SNCB: variants seen among roughly 807,000 people sequenced by gnomAD.
SNCB encodes the protein synuclein beta, also known as beta-synuclein.
In SNCB, 8 loss-of-function variants were observed where a neutral mutation model predicts 20.0. The ratio of observed to expected loss-of-function variants is 0.40; its 90% CI spans 0.24 to 0.72. The LOEUF (loss-of-function observed/expected upper bound fraction) is 0.72, where lower values mean the gene tolerates loss of function less well. SNCB is among the 30% of genes least tolerant of loss of function. The pLI is 0.37. For missense variants in SNCB, 125 were observed against 168.0 expected (o/e 0.74, Z 1.41); for synonymous variants, 56 against 65.4 (o/e 0.86, Z 0.69).
intron 2 of SNCB, among the ~76,000 whole-genome samples, chr5:176,627,256 G>T (rs1760020115): frequency 6.6e-6 from 1 of 152,208 alleles, no homozygotes; most frequent in Non-Finnish European, 1.5e-5. Flanking sequence ...TAGGGGTGGA[G>T]CTGGGAGGCC....
Position 176,626,493 on chromosome 5 carries a change from C to A in SNCB, c.187G>T (p.Ala63Ser). Residue 63 changes from alanine to serine, a missense_variant, in exon 4 of 6, where the codon GCC becomes TCC. Transcript: ENST00000393693. This position sits in a 1 kb window ranked among gnomAD's most constrained non-coding sequence, Gnocchi z 4.2. ...ASVAEKTKEQ[A>S]SHLGGAVFSG... ...AACACAGCTCCTCCCAGATGTGAGG[C>A]CTGTTCCTTGGTTTTTTCAGCCACT... 1 of 1,614,008 alleles carries A rather than the reference C, an allele frequency of 6.2e-7. No individual in the cohort carries two copies. Among genetic ancestry groups the A allele is most frequent in the Non-Finnish European group, 8.5e-7 (1 of 1,179,926 alleles).
Position 176,626,502 on chromosome 5 carries a change from TG to T in SNCB, c.177del (p.Lys60ArgfsTer25). 1 of 1,613,904 alleles carries T rather than the reference TG, an allele frequency of 6.2e-7. No individual in the cohort carries two copies. Among genetic ancestry groups the T allele is most frequent in the South Asian group, 1.1e-5 (1 of 91,080 alleles). ...VQGVASVAEK[T>X]KEQASHLGGA... ...CCTCCCAGATGTGAGGCCTGTTCCT[TG>T]GTTTTTTCAGCCACTGGAGCAGGGA... On this transcript the variant is annotated frameshift_variant, in exon 4 of 6. Transcript: ENST00000393693. LOFTEE classifies it high-confidence loss of function. The surrounding 1 kb of genome is among the most constrained non-coding windows in gnomAD (Gnocchi z 4.2).
Position 176,620,257 on chromosome 5 carries a change from ACCCGC to A in SNCB, c.*549_*553del. The A allele has an allele frequency of 7.7e-6, 1 of 130,034 alleles. No homozygotes were observed. Among genetic ancestry groups the A allele is most frequent in the Non-Finnish European group, 1.7e-5 (1 of 59,462 alleles). The allele number at this position is 130,034 out of a possible 1,614,324, so 8.1% of individuals were successfully genotyped here. A position where few individuals can be genotyped will look rare whatever the true frequency, so the allele number is the denominator to read the frequency against. On this transcript the variant is annotated 3_prime_UTR_variant, in exon 6 of 6. Coordinates refer to ENST00000393693, the MANE Select transcript of SNCB (RefSeq NM_003085.5). The surrounding 1 kb of genome is among the most constrained non-coding windows in gnomAD (Gnocchi z 4.5). Reference sequence around the variant, plus strand: ...TGGACTCTCGGGGGCGGCCGGGCCCACCCGCCCGGGACACGCTCACATGGGGGGGA... The same window carrying A: ...TGGACTCTCGGGGGCGGCCGGGCCCACCGGGACACGCTCACATGGGGGGGA...
At chr5:176,630,011 A>T (rs376611095) in intron 1 of SNCB, 44 of 203,574 alleles carry the variant, frequency 2.2e-4, no homozygotes, top group East Asian at 1.0e-3. Flanking sequence ...ACAAACATAC[A>T]CCACGGACAA....
At chr5:176,627,069 C>T (rs1356990955) in intron 2 of SNCB, among the ~76,000 whole-genome samples, 6 of 152,238 alleles carry the variant, frequency 3.9e-5, no homozygotes, top group Non-Finnish European at 8.8e-5. Context: ...TTTCCCCAGC[C>T]CTGGGAGGCG....
In SNCB at chr5:176,626,640, C is replaced by G. The variant is rs111432646; in HGVS notation, c.163+80G>C. On this transcript the variant is annotated intron_variant, in intron 3 of 5. Transcript: ENST00000393693. This position sits in a 1 kb window ranked among gnomAD's most constrained non-coding sequence, Gnocchi z 4.2. ...ATTCCCGCAGAAGCCTTGGGAGTCT[C>G]CCCCGCCCCCGCCCTCTGGTTCCCG... 3,907 of 1,558,456 alleles carry G rather than the reference C, an allele frequency of 2.5e-3. 93 individuals carry two copies. In the African/African-American group the frequency reaches 0.046, roughly 18 times the overall value.
rs1229973769 is a variant in SNCB at position 176,626,977 on chromosome 5, T to G, written c.122-216A>C. ...AGGGTTGCAGTTCTCTCCCACCTGATGCGATACCCCACCCCTCTAGTGGAT... is the reference window on the plus strand; with the variant it reads ...AGGGTTGCAGTTCTCTCCCACCTGAGGCGATACCCCACCCCTCTAGTGGAT... On this transcript the variant is annotated intron_variant, in intron 2 of 5. Coordinates refer to ENST00000393693, the MANE Select transcript of SNCB (RefSeq NM_003085.5). This position sits in a 1 kb window ranked among gnomAD's most constrained non-coding sequence, Gnocchi z 4.2. 6.6e-6 allele frequency among the ~76,000 whole-genome samples: 1 copy of G among 152,202 alleles called. No individual in the cohort carries two copies. The highest frequency in any genetic ancestry group is 2.4e-5 in the African/African-American group (1 of 41,446).
rs371776301 is a variant in SNCB at position 176,621,870 on chromosome 5, G to A, written c.283-567C>T. Among the ~76,000 whole-genome samples the A allele has an allele frequency of 1.2e-4, 19 of 152,326 alleles. No homozygotes were observed. The highest frequency in any genetic ancestry group is 3.4e-3 in the Middle Eastern group (1 of 294). ...TAAGACTCTCCCCCCCACCCGCTGC[G>A]TCTGCTGCCCAGACAGGCGCAGACC... On this transcript the variant is annotated intron_variant, in intron 4 of 5. Transcript: ENST00000393693. The surrounding 1 kb of genome is among the most constrained non-coding windows in gnomAD (Gnocchi z 4.1).
At position 176,626,904 on chromosome 5, in the gene SNCB, G is replaced by T; in HGVS notation, c.122-143C>A. ...CACATCCTACAACCTGCACCCCCAT[G>T]TTAACCCCCGTCTTATCACTGCACT... On this transcript the variant is annotated intron_variant, in intron 2 of 5. Transcript: ENST00000393693. This position sits in a 1 kb window ranked among gnomAD's most constrained non-coding sequence, Gnocchi z 4.2. 2.4e-6 allele frequency: 2 copies of T among 826,614 alleles called. No homozygotes were observed. The highest frequency in any genetic ancestry group is 2.1e-6 in the Non-Finnish European group (1 of 486,092). The allele number at this position is 826,614 out of a possible 1,614,324, so 51.2% of individuals were successfully genotyped here.
chr5:176,626,965 TC>T lies in SNCB; in HGVS notation c.122-205del, dbSNP rs1185341356. The stretch of plus-strand genomic sequence containing the variant: ...CCTCTGTCTGCAAGGGTTGCAGTTC[TC>T]TCCCACCTGATGCGATACCCCACCC... On this transcript the variant is annotated intron_variant, in intron 2 of 5. Transcript: ENST00000393693. This position sits in a 1 kb window ranked among gnomAD's most constrained non-coding sequence, Gnocchi z 4.2. Among the ~76,000 whole-genome samples the T allele has an allele frequency of 2.0e-5, 3 of 152,284 alleles. No individual in the cohort carries two copies. In the East Asian group the frequency reaches 5.8e-4, roughly 29 times the overall value.
Position 176,629,535 on chromosome 5 carries a change from G to A in SNCB, c.120C>T (p.Val40=), listed in dbSNP as rs1445127099. The A allele has an allele frequency of 1.9e-6, 3 of 1,603,340 alleles. No individual in the cohort carries two copies. Among genetic ancestry groups the A allele is most frequent in the Non-Finnish European group, 2.6e-6 (3 of 1,174,182 alleles). The change falls in exon 2 of 6, where the codon GTC becomes GTT. Residue 40 remains valine (V), a splice_region_variant and synonymous_variant. Coordinates refer to ENST00000393693, the MANE Select transcript of SNCB (RefSeq NM_003085.5). This position sits in a 1 kb window ranked among gnomAD's most constrained non-coding sequence, Gnocchi z 4.1. ...AEKTKEGVLY[V]GSKTREGVVQ... The stretch of plus-strand genomic sequence containing the variant: ...CCAGAAACCCCGCCCCTTACCCACC[G>A]ACGTAGAGGACGCCCTCCTTGGTCT...
In SNCB at chr5:176,620,762, G is replaced by GA. The variant is rs777699935; in HGVS notation, c.*48_*49insT. ...GACAGCCCTGGCTCTGGGGGGCGGGGCAGGGACAGGGACAGAATTGTGCTG... is the reference window on the plus strand; with the variant it reads ...GACAGCCCTGGCTCTGGGGGGCGGGGACAGGGACAGGGACAGAATTGTGCTG... On this transcript the variant is annotated 3_prime_UTR_variant, in exon 6 of 6. Coordinates refer to ENST00000393693, the MANE Select transcript of SNCB (RefSeq NM_003085.5). This position sits in a 1 kb window ranked among gnomAD's most constrained non-coding sequence, Gnocchi z 4.5. The GA allele has an allele frequency of 2.2e-6, 3 of 1,388,064 alleles. No individual in the cohort carries two copies. In the Admixed American group the frequency reaches 5.0e-5, roughly 23 times the overall value. The allele number at this position is 1,388,064 out of a possible 1,614,324, so 86.0% of individuals were successfully genotyped here.
At position 176,621,144 on chromosome 5, in the gene SNCB, C is replaced by T. The variant is rs575407133; in HGVS notation, c.372+70G>A. 2.3e-4 allele frequency: 287 copies of T among 1,261,156 alleles called. 1 individual carries two copies. Among genetic ancestry groups the T allele is most frequent in the Non-Finnish European group, 3.1e-4 (274 of 878,470 alleles). 78.1% of individuals were successfully genotyped at this position (1,261,156 alleles called of 1,614,324 possible). A position where few individuals can be genotyped will look rare whatever the true frequency, so the allele number is the denominator to read the frequency against. On this transcript the variant is annotated intron_variant, in intron 5 of 5. Transcript: ENST00000393693. The surrounding 1 kb of genome is among the most constrained non-coding windows in gnomAD (Gnocchi z 4.1). ...CAACCATCTCATGCCAGGGATGTCCCACCCCAGCTAGGGACGGCAGCAATC... is the reference window on the plus strand; with the variant it reads ...CAACCATCTCATGCCAGGGATGTCCTACCCCAGCTAGGGACGGCAGCAATC...
In SNCB at chr5:176,629,754, AGAC is replaced by A; in HGVS notation, c.-9-94_-9-92del. 6.7e-7 allele frequency: 1 copy of A among 1,498,836 alleles called. No individual in the cohort carries two copies. Among genetic ancestry groups the A allele is most frequent in the East Asian group, 2.4e-5 (1 of 41,968 alleles). The allele number at this position is 1,498,836 out of a possible 1,614,324, so 92.8% of individuals were successfully genotyped here. ...GGACGCAGATGCCCCCCTACTCCCGAGACCGCGGCGCCCTTCTGGACCCTGAGC... is the reference window on the plus strand; with the variant it reads ...GGACGCAGATGCCCCCCTACTCCCGACGCGGCGCCCTTCTGGACCCTGAGC... On this transcript the variant is annotated intron_variant, in intron 1 of 5. Transcript: ENST00000393693. This position sits in a 1 kb window ranked among gnomAD's most constrained non-coding sequence, Gnocchi z 4.1.
At chr5:176,624,557 C>T (rs1759807834) in intron 4 of SNCB, among the ~76,000 whole-genome samples, 1 of 152,068 alleles carries the variant, frequency 6.6e-6, no homozygotes, top group African/African-American at 2.4e-5. Flanking sequence ...TCCCAGCACT[C>T]TGGGAGGCCG....
At position 176,628,786 on chromosome 5, in the gene SNCB, G is replaced by T. The variant is rs538491709; in HGVS notation, c.121+748C>A. Among the ~76,000 whole-genome samples, 627 of 152,340 alleles carry T rather than the reference G, an allele frequency of 4.1e-3. 7 individuals carry two copies. The highest frequency in any genetic ancestry group is 0.014 in the African/African-American group (587 of 41,580). On this transcript the variant is annotated intron_variant, in intron 2 of 5. Transcript: ENST00000393693. ...TGTTCACTGTGAAACCCCAGCATCT[G>T]CAGGATGCCTGGCACATAGTAAGTG...
At chr5:176,628,763 T>A (rs1434893490) in intron 2 of SNCB, among the ~76,000 whole-genome samples, 2 of 152,228 alleles carry the variant, frequency 1.3e-5, no homozygotes, top group East Asian at 3.8e-4. Context: ...TTCTTTCCTG[T>A]TCACTGTGAA....
At chr5:176,623,429 A>G (rs1285408675) in intron 4 of SNCB, among the ~76,000 whole-genome samples, 2 of 152,074 alleles carry the variant, frequency 1.3e-5, no homozygotes, top group African/African-American at 2.4e-5. Context: ...GGCGATAGGC[A>G]GGGCCAGGAC....
Position 176,629,660 on chromosome 5 carries a change from C to G in SNCB, c.-6G>C, listed in dbSNP as rs200888667. The G allele has an allele frequency of 6.2e-7, 1 of 1,612,970 alleles. No individual in the cohort carries two copies. The highest frequency in any genetic ancestry group is 8.5e-7 in the Non-Finnish European group (1 of 1,179,410). On this transcript the variant is annotated 5_prime_UTR_variant, in exon 2 of 6. Coordinates refer to ENST00000393693, the MANE Select transcript of SNCB (RefSeq NM_003085.5). The surrounding 1 kb of genome is among the most constrained non-coding windows in gnomAD (Gnocchi z 4.1). ...CCCTTCATGAACACGTCCATCCTGG[C>G]GGCCTGGGGAGGGCGATACACGGGC... is the stretch of plus-strand genomic sequence containing the variant.
Sources: allele counts gnomAD v4.1 joint callset (sites outside exome capture counted in the v4.1 genomes callset), GRCh38; gene constraint gnomAD v4.1.1; non-coding constraint Gnocchi (gnomAD v3.1); transcripts MANE v1.5; gene names NCBI Gene and HGNC (gene_info 2026-07-23, HGNC 2026-07-21).